DAB1: variants seen among roughly 807,000 people sequenced by gnomAD.
DAB1 encodes disabled homolog 1.
Under a neutral mutation model 64.6 loss-of-function variants are expected in DAB1, and 15 were observed. The ratio of observed to expected loss-of-function variants is 0.23; its 90% CI spans 0.16 to 0.36. The LOEUF (loss-of-function observed/expected upper bound fraction) is 0.36, where lower values mean the gene tolerates loss of function less well. DAB1 is among the 10% of genes least tolerant of loss of function. The pLI, the probability that DAB1 is intolerant of heterozygous loss-of-function variation, is 1.00. For missense variants in DAB1, 596 were observed against 706.7 expected (o/e 0.84, Z 1.78); for synonymous variants, 235 against 251.9 (o/e 0.93, Z 0.64).
At chr1:57,567,505 C>T (rs543496229) in intron 7 of DAB1, among the ~76,000 whole-genome samples, 31 of 152,318 alleles carry the variant, frequency 2.0e-4, no homozygotes, top group African/African-American at 7.2e-4. Context: ...TTGCAGATGA[C>T]ATCATTGTAT....
chr1:58,233,416 C>T (rs1659872622), intron 4 of DAB1, among the ~76,000 whole-genome samples: 2 of 152,162 alleles, frequency 1.3e-5, no homozygotes, highest in South Asian at 4.1e-4. Flanking sequence ...GGTCTGCTTG[C>T]TCCCCAGGGC....
At chr1:57,877,291 T>C (rs969393206) in intron 1 of DAB1, among the ~76,000 whole-genome samples, 5 of 152,092 alleles carry the variant, frequency 3.3e-5, no homozygotes, top group African/African-American at 1.2e-4. Flanking sequence ...AAAGTTAAGA[T>C]TTGTACCCTC....
At chr1:57,506,469 T>G (rs189337222) in intron 7 of DAB1, among the ~76,000 whole-genome samples, 5 of 152,360 alleles carry the variant, frequency 3.3e-5, no homozygotes, top group Admixed American at 6.5e-5. Context: ...TATACACACA[T>G]GCAACCCAAG....
intron 6 of DAB1, among the ~76,000 whole-genome samples, chr1:57,808,227 C>A (rs1651460146): frequency 6.6e-6 from 1 of 151,534 alleles, no homozygotes; most frequent in African/African-American, 2.4e-5. Context: ...ACACACATAC[C>A]CCTGAGCCTT....
At chr1:58,097,286 C>G (rs887733891) in intron 5 of DAB1, among the ~76,000 whole-genome samples, 1 of 152,192 alleles carries the variant, frequency 6.6e-6, no homozygotes, top group Non-Finnish European at 1.5e-5. Context: ...AGTGATGGAG[C>G]AGAATTCACA....
intron 3 of DAB1, among the ~76,000 whole-genome samples, chr1:58,429,669 T>C (rs1644851159): frequency 1.3e-5 from 2 of 151,846 alleles, no homozygotes; most frequent in Admixed American, 1.3e-4. Context: ...CTGCATGGAG[T>C]AGTGGAAAGG....
At chr1:58,480,750 AT>A in intron 3 of DAB1, 1 of 392,226 alleles carries the variant, frequency 2.5e-6, no homozygotes, top group Non-Finnish European at 4.5e-6. Flanking sequence ...ATTCTGTGAC[AT>A]TTTCCTCATT....
intron 7 of DAB1, among the ~76,000 whole-genome samples, chr1:57,478,863 G>T (rs921677672): frequency 6.6e-6 from 1 of 151,770 alleles, no homozygotes; most frequent in Non-Finnish European, 1.5e-5. Context: ...GACTCCCAAA[G>T]TGCTGGGATT....
intron 7 of DAB1, among the ~76,000 whole-genome samples, chr1:57,493,192 G>C (rs1644186315): frequency 6.6e-6 from 1 of 151,886 alleles, no homozygotes; most frequent in Admixed American, 6.6e-5. Context: ...ACCATTTTAA[G>C]TTTACAGTTC....
At chr1:58,269,180 A>G (rs1482402288) in intron 4 of DAB1, among the ~76,000 whole-genome samples, 1 of 117,006 alleles carries the variant, frequency 8.5e-6, no homozygotes, top group Non-Finnish European at 1.8e-5. Context: ...CGACCCCACC[A>G]CAGTCCCCAG....
chr1:57,243,934 G>T (rs918167030), intron 2 of DAB1, among the ~76,000 whole-genome samples: 3 of 151,986 alleles, frequency 2.0e-5, no homozygotes, highest in Non-Finnish European at 2.9e-5. Flanking sequence ...TCCTCCCAGG[G>T]ACCTTCCACT....
chr1:58,129,241 G>A (rs1367450672), intron 5 of DAB1, among the ~76,000 whole-genome samples: 2 of 151,568 alleles, frequency 1.3e-5, no homozygotes, highest in South Asian at 2.1e-4. Context: ...TAGTTTATTT[G>A]CGTAGAGGTG....
At chr1:57,661,687 C>T (rs757219857) in intron 6 of DAB1, among the ~76,000 whole-genome samples, 3 of 152,134 alleles carry the variant, frequency 2.0e-5, no homozygotes, top group African/African-American at 2.4e-5. Context: ...ACACATCCTC[C>T]CATACACTTT....
chr1:58,048,565 A>G (rs948959355), intron 5 of DAB1: 12 of 1,035,450 alleles, frequency 1.2e-5, no homozygotes, highest in South Asian at 3.8e-5. Flanking sequence ...ACCCATTATA[A>G]CCATCCCCAC....
chr1:58,253,491 G>A (rs917558222), intron 4 of DAB1, among the ~76,000 whole-genome samples: 2 of 152,154 alleles, frequency 1.3e-5, no homozygotes, highest in African/African-American at 2.4e-5. Flanking sequence ...AGGTGTGCAC[G>A]GTCAGTTATT....
At chr1:57,100,329 T>C (rs1371259635) in intron 4 of DAB1, among the ~76,000 whole-genome samples, 3 of 151,794 alleles carry the variant, frequency 2.0e-5, no homozygotes, top group Non-Finnish European at 4.4e-5. Context: ...TTAGTACATA[T>C]CCAAAGAGAT....
At chr1:57,289,850 A>C (rs546388170) in intron 2 of DAB1, among the ~76,000 whole-genome samples, 27 of 152,128 alleles carry the variant, frequency 1.8e-4, no homozygotes, top group African/African-American at 6.5e-4. Context: ...CAGGGAGAAA[A>C]CACACACACA....
At chr1:57,753,205 A>AG (rs1412942528) in intron 6 of DAB1, among the ~76,000 whole-genome samples, 3 of 152,206 alleles carry the variant, frequency 2.0e-5, no homozygotes, top group African/African-American at 7.2e-5. Flanking sequence ...TAGGAAGCAT[A>AG]GAAAAAGCCC....
chr1:58,355,355 T>A (rs1436241726), intron 3 of DAB1, among the ~76,000 whole-genome samples: 1 of 152,228 alleles, frequency 6.6e-6, no homozygotes, highest in East Asian at 1.9e-4. Flanking sequence ...TATCTCTAGA[T>A]AGAGTGTACC....
Sources: allele counts gnomAD v4.1 joint callset (sites outside exome capture counted in the v4.1 genomes callset), GRCh38; gene constraint gnomAD v4.1.1; transcripts MANE v1.5; gene names NCBI Gene and HGNC (gene_info 2026-07-23, HGNC 2026-07-21).